FER: variants seen among roughly 807,000 people sequenced by gnomAD.
FER encodes the protein FER tyrosine kinase.
A neutral mutation model predicts 111.0 loss-of-function variants in FER; 63 were observed. That is an observed-to-expected ratio of 0.57 (90% CI 0.46 to 0.70). The LOEUF is 0.70. Among genes scored for constraint, FER ranks in the 30% least tolerant of loss-of-function variants. The probability of loss-of-function intolerance (pLI) is 0.00; values close to 1 mark genes in which losing one functional copy is unlikely to be tolerated. For missense variants in FER, 914 were observed against 954.0 expected, an observed-to-expected ratio of 0.96 and a Z score of 0.55; for synonymous variants, 327 against 313.9, an observed-to-expected ratio of 1.04 and a Z score of -0.44.
chr5:108,785,914 C>T (rs1381986813), intron 2 of FER, among the ~76,000 whole-genome samples: 2 of 152,178 alleles, frequency 1.3e-5, no homozygotes, highest in Admixed American at 1.3e-4. Flanking sequence ...TTTCCACCTT[C>T]CAGAGTTCTT....
At chr5:109,020,661 C>T (rs1581682453) in intron 13 of FER, among the ~76,000 whole-genome samples, 1 of 151,812 alleles carries the variant, frequency 6.6e-6, no homozygotes, top group Admixed American at 6.6e-5. Flanking sequence ...ATTATATATC[C>T]CCTTGTGAAC....
chr5:109,139,984 A>G (rs1753351184), intron 17 of FER, among the ~76,000 whole-genome samples: 1 of 152,200 alleles, frequency 6.6e-6, no homozygotes, highest in African/African-American at 2.4e-5. Context: ...AAGCCAAAGC[A>G]TTTTCCTGTG....
chr5:108,857,904 C>T (rs575677950), intron 5 of FER, among the ~76,000 whole-genome samples: 55 of 152,252 alleles, frequency 3.6e-4, no homozygotes, highest in African/African-American at 9.1e-4. Context: ...TCATTGAATA[C>T]GTATTTTCTG....
intron 11 of FER, among the ~76,000 whole-genome samples, 183 bp from the exon 12 acceptor site, chr5:108,954,546 T>C (rs1038704814): frequency 3.3e-5 from 5 of 152,212 alleles, no homozygotes; most frequent in African/African-American, 7.2e-5. Context: ...TTGAAGCATA[T>C]GTATTTGTGG....
intron 9 of FER, among the ~76,000 whole-genome samples, chr5:108,895,490 C>G (rs1331965596): frequency 6.6e-6 from 1 of 152,146 alleles, no homozygotes; most frequent in South Asian, 2.1e-4. Flanking sequence ...TTTGCCTTTT[C>G]CAGTTTTTAG....
At chr5:109,065,977 T>C (rs1354754416) in intron 16 of FER, among the ~76,000 whole-genome samples, 4 of 152,210 alleles carry the variant, frequency 2.6e-5, no homozygotes, top group South Asian at 2.1e-4. Flanking sequence ...TTTGATAATA[T>C]CCGCATTCAA....
Position 109,192,988 on chromosome 5 carries a change from C to T in FER, c.*5413C>T, listed in dbSNP as rs1759483278. 6.6e-6 allele frequency: 1 copy of T among 152,100 alleles called. No individual in the cohort carries two copies. Among genetic ancestry groups the T allele is most frequent in the African/African-American group, 2.4e-5 (1 of 41,422 alleles). 9.4% of individuals were successfully genotyped at this position (152,100 alleles called of 1,614,324 possible). A position where few individuals can be genotyped will look rare whatever the true frequency, so the allele number is the denominator to read the frequency against. ...AAGGAAATGAAGGGCAGTAACAAAG[C>T]ACCAATGTAAAATGACCCATAGCCA... On this transcript the variant is annotated 3_prime_UTR_variant, in exon 20 of 20. Coordinates refer to ENST00000281092, the MANE Select transcript of FER (RefSeq NM_005246.4).
At chr5:109,045,611 A>G (rs750198965) in intron 15 of FER, among the ~76,000 whole-genome samples, 1 of 152,350 alleles carries the variant, frequency 6.6e-6, no homozygotes, top group African/African-American at 2.4e-5. Flanking sequence ...CTAGAAGCCA[A>G]TACTGTGACA....
chr5:109,039,186 T>G (rs1770803206), intron 14 of FER, among the ~76,000 whole-genome samples: 1 of 151,540 alleles, frequency 6.6e-6, no homozygotes, highest in African/African-American at 2.4e-5. Flanking sequence ...TAAGTTATAA[T>G]ATAAGGTAAT....
chr5:108,823,497 T>C (rs764830043), intron 3 of FER, among the ~76,000 whole-genome samples: 4 of 152,210 alleles, frequency 2.6e-5, no homozygotes, highest in Non-Finnish European at 5.9e-5. Flanking sequence ...GATAGGTCAT[T>C]GTGGTTTTGA....
intron 2 of FER, among the ~76,000 whole-genome samples, chr5:108,795,108 G>A (rs1211877525): frequency 6.6e-6 from 1 of 152,188 alleles, no homozygotes; most frequent in African/African-American, 2.4e-5. Flanking sequence ...AAGATTGCTT[G>A]CACGTAGGAG....
At chr5:109,124,414 G>C (rs1022361651) in intron 17 of FER, among the ~76,000 whole-genome samples, 2 of 152,206 alleles carry the variant, frequency 1.3e-5, no homozygotes, top group African/African-American at 4.8e-5. Context: ...TCGTGTACTT[G>C]TGAGATGGAA....
intron 5 of FER, among the ~76,000 whole-genome samples, chr5:108,866,970 A>G (rs1764130586): frequency 6.6e-6 from 1 of 152,174 alleles, no homozygotes; most frequent in African/African-American, 2.4e-5. Flanking sequence ...CTTCTTCCAC[A>G]TGAAGTCTAA....
intron 3 of FER, among the ~76,000 whole-genome samples, chr5:108,831,981 A>T (rs4283844): frequency 0.23 from 34,323 of 150,826 alleles, 4,000 homozygotes; most frequent in African/African-American, 0.28. Context: ...TTTTTTTTTT[A>T]AAAGTATGTG....
At chr5:109,147,431 G>A (rs1455976465) in intron 17 of FER, among the ~76,000 whole-genome samples, 1 of 151,782 alleles carries the variant, frequency 6.6e-6, no homozygotes, top group Non-Finnish European at 1.5e-5. Context: ...TTTATGTCTA[G>A]GAATATATTC....
At chr5:108,903,728 A>G (rs1750365095) in intron 10 of FER, among the ~76,000 whole-genome samples, 1 of 152,194 alleles carries the variant, frequency 6.6e-6, no homozygotes, top group Admixed American at 6.5e-5. Flanking sequence ...TTTACAGGTA[A>G]ATTAATTGAT....
chr5:109,163,195 G>A (rs926768690), intron 17 of FER, among the ~76,000 whole-genome samples: 2 of 151,942 alleles, frequency 1.3e-5, no homozygotes, highest in Non-Finnish European at 2.9e-5. Context: ...ATGCTTTTCA[G>A]ATCTGTCCAT....
At chr5:108,864,437 T>C (rs1376582583) in intron 5 of FER, among the ~76,000 whole-genome samples, 4 of 152,158 alleles carry the variant, frequency 2.6e-5, no homozygotes, top group Non-Finnish European at 5.9e-5. Flanking sequence ...TTTTCTCTGC[T>C]CTTTGCTCTG....
chr5:108,926,567 A>G (rs61090818), intron 10 of FER, among the ~76,000 whole-genome samples: 10,659 of 152,224 alleles, frequency 0.07, 938 homozygotes, highest in African/African-American at 0.2. Context: ...GAACTCTCAT[A>G]ATTATGAACT....
Sources: allele counts gnomAD v4.1 joint callset (sites outside exome capture counted in the v4.1 genomes callset), GRCh38; gene constraint gnomAD v4.1.1; transcripts MANE v1.5; gene names NCBI Gene and HGNC (gene_info 2026-07-23, HGNC 2026-07-21).